The following TTC27 variants were observed in gnomAD, a reference collection of about 807,000 sequenced individuals.
TTC27 encodes the protein tetratricopeptide repeat domain 27.
In TTC27, 79 loss-of-function variants were observed where a neutral mutation model predicts 115.9. The observed-to-expected ratio is 0.68, with a 90% CI of 0.57 to 0.82. The LOEUF (loss-of-function observed/expected upper bound fraction) is 0.82, where lower values mean the gene tolerates loss of function less well. Among genes scored for constraint, TTC27 ranks in the 40% least tolerant of loss-of-function variants. TTC27 has a pLI of 0.00. For missense variants in TTC27, 1,054 were observed against 993.1 expected (o/e 1.06, Z -0.82); for synonymous variants, 401 against 356.0 (o/e 1.13, Z -1.42).
intron 16 of TTC27, among the ~76,000 whole-genome samples, chr2:32,801,565 G>T (rs1480019500): frequency 5.3e-5 from 8 of 152,172 alleles, no homozygotes; most frequent in Admixed American, 5.2e-4. Context: ...AGATTCTGAG[G>T]TTCTGGGTGC....
chr2:32,672,202 T>C (rs1666037927), intron 7 of TTC27, 70 bp from the exon 8 acceptor site: 2 of 1,104,040 alleles, frequency 1.8e-6, no homozygotes, highest in Non-Finnish European at 2.7e-6. Flanking sequence ...TAGCAATCTA[T>C]TACATGCCAT....
At chr2:32,719,853 TG>T (rs1667866016) in intron 10 of TTC27, among the ~76,000 whole-genome samples, 1 of 152,052 alleles carries the variant, frequency 6.6e-6, no homozygotes, top group Admixed American at 6.6e-5. Context: ...GGGGAAAGGA[TG>T]GTTTATGCCC....
chr2:32,639,330 AT>A (rs1255267760), intron 3 of TTC27, among the ~76,000 whole-genome samples: 1 of 152,142 alleles, frequency 6.6e-6, no homozygotes, highest in African/African-American at 2.4e-5. Flanking sequence ...TGCCATCCAA[AT>A]TTTAACAACC....
chr2:32,790,463 T>C (rs752207870), intron 16 of TTC27, among the ~76,000 whole-genome samples: 2 of 152,196 alleles, frequency 1.3e-5, no homozygotes, highest in Non-Finnish European at 2.9e-5. Flanking sequence ...CAAACTCTAA[T>C]TGTATACATC....
chr2:32,677,781 A>G (rs1353128952), intron 8 of TTC27, among the ~76,000 whole-genome samples: 2 of 152,196 alleles, frequency 1.3e-5, no homozygotes, highest in Admixed American at 6.5e-5. Context: ...GATCCTACCA[A>G]TAATGTAATT....
intron 2 of TTC27, among the ~76,000 whole-genome samples, chr2:32,632,595 T>C (rs1277954084): frequency 2.0e-5 from 3 of 152,240 alleles, no homozygotes; most frequent in African/African-American, 7.2e-5. Flanking sequence ...TCTTTTGTTA[T>C]CTTTTTTCTC....
intron 5 of TTC27, 60 bp downstream of exon 5, chr2:32,650,293 G>A (rs1157866306): frequency 1.5e-5 from 18 of 1,212,664 alleles, no homozygotes; most frequent in Non-Finnish European, 2.0e-5. Context: ...ACTTGGCTGA[G>A]ATACTCCTTT....
chr2:32,664,691 G>A (rs111955846), intron 6 of TTC27, among the ~76,000 whole-genome samples: 9 of 152,228 alleles, frequency 5.9e-5, no homozygotes, highest in South Asian at 2.1e-4. Context: ...CTGTTTAGCC[G>A]TGTTAGTAAT....
At chr2:32,676,201 T>C (rs1666197571) in intron 8 of TTC27, among the ~76,000 whole-genome samples, 2 of 152,082 alleles carry the variant, frequency 1.3e-5, no homozygotes, top group South Asian at 4.2e-4. Flanking sequence ...GTTGGATTTT[T>C]ACCTGACGAC....
At chr2:32,648,539 G>A (rs1473493595) in intron 4 of TTC27, among the ~76,000 whole-genome samples, 1 of 149,920 alleles carries the variant, frequency 6.7e-6, no homozygotes, top group Non-Finnish European at 1.5e-5. Context: ...AGCCTCCTGA[G>A]TAGCTGGGAT....
At chr2:32,694,619 A>G (rs960856954) in intron 9 of TTC27, among the ~76,000 whole-genome samples, 1 of 151,248 alleles carries the variant, frequency 6.6e-6, no homozygotes, top group Non-Finnish European at 1.5e-5. Flanking sequence ...TTCTGTCTTT[A>G]TATGTTCTGT....
intron 5 of TTC27, among the ~76,000 whole-genome samples, chr2:32,660,287 T>G (rs1265531168): frequency 6.6e-6 from 1 of 152,178 alleles, no homozygotes; most frequent in Non-Finnish European, 1.5e-5. Flanking sequence ...CTTTTTTTCA[T>G]ATGTTTATTG....
intron 16 of TTC27, among the ~76,000 whole-genome samples, chr2:32,801,830 G>A (rs1045505369): frequency 1.3e-5 from 2 of 152,148 alleles, no homozygotes; most frequent in Admixed American, 6.5e-5. Context: ...TTGAACATCT[G>A]GAAGTGACGA....
Position 32,652,643 on chromosome 2 carries a change from TA to T in TTC27, c.640+2411del, listed in dbSNP as rs1213411274. Among the ~76,000 whole-genome samples the T allele has an allele frequency of 2.0e-4, 30 of 152,296 alleles. No individual in the cohort carries two copies. The East Asian group carries it at 2.3e-3, about 12-fold the overall frequency. ...AATCAACGGCACTTTTCAGTTTATC[TA>T]GTCATAAAATGGTCCATTTTGGCTA... On this transcript the variant is annotated intron_variant, in intron 5 of 19. Transcript: ENST00000317907.
At chr2:32,675,229 A>G (rs1270237497) in intron 8 of TTC27, among the ~76,000 whole-genome samples, 1 of 152,218 alleles carries the variant, frequency 6.6e-6, no homozygotes, top group African/African-American at 2.4e-5. Flanking sequence ...TGTGAATCTA[A>G]GTTTTACTGA....
chr2:32,682,947 G>A (rs1318406762), intron 9 of TTC27, among the ~76,000 whole-genome samples: 8 of 135,534 alleles, frequency 5.9e-5, no homozygotes, highest in South Asian at 2.6e-4. Flanking sequence ...TCCGCCTCCC[G>A]GGTTCATGCC....
At chr2:32,757,688 C>A (rs1447294676) in intron 12 of TTC27, among the ~76,000 whole-genome samples, 2 of 151,888 alleles carry the variant, frequency 1.3e-5, no homozygotes, top group African/African-American at 4.8e-5. Flanking sequence ...AGTGTAAAAA[C>A]AACTTTTTTT....
chr2:32,669,957 AT>A (rs1365095448), intron 7 of TTC27, among the ~76,000 whole-genome samples: 1 of 147,618 alleles, frequency 6.8e-6, no homozygotes, highest in African/African-American at 2.5e-5. Context: ...TTTATTTTTT[AT>A]TTTTTTTGAG....
chr2:32,798,600 G>T (rs1670800159), intron 16 of TTC27, among the ~76,000 whole-genome samples: 1 of 150,548 alleles, frequency 6.6e-6, no homozygotes, highest in South Asian at 2.1e-4. Flanking sequence ...AGCTACTCGG[G>T]AGGCTGAGGC....
Sources: allele counts gnomAD v4.1 joint callset (sites outside exome capture counted in the v4.1 genomes callset), GRCh38; gene constraint gnomAD v4.1.1; transcripts MANE v1.5; gene names NCBI Gene and HGNC (gene_info 2026-07-23, HGNC 2026-07-21).